Variants in AKAP6 observed in about 807,000 individuals in gnomAD.
The protein encoded by AKAP6 is A-kinase anchoring protein 6.
A neutral mutation model predicts 188.5 loss-of-function variants in AKAP6; 58 were observed. The ratio of observed to expected loss-of-function variants is 0.31; its 90% CI spans 0.25 to 0.38. The LOEUF (loss-of-function observed/expected upper bound fraction) is 0.38, where lower values mean the gene tolerates loss of function less well. Among genes scored for constraint, AKAP6 ranks in the 10% least tolerant of loss-of-function variants. The pLI is 1.00. For synonymous variants in AKAP6, 989 were observed against 998.6 expected (o/e 0.99, Z 0.18); for missense variants, 2,710 against 2,740.0 (o/e 0.99, Z 0.24).
chr14:32,417,302 A>G (rs1889689444), intron 1 of AKAP6, among the ~76,000 whole-genome samples: 1 of 152,188 alleles, frequency 6.6e-6, no homozygotes, highest in African/African-American at 2.4e-5. Flanking sequence ...ATATATATAA[A>G]TCTTGTCATA....
At chr14:32,513,209 A>C in intron 2 of AKAP6, among the ~76,000 whole-genome samples, 1 of 152,202 alleles carries the variant, frequency 6.6e-6, no homozygotes, top group Non-Finnish European at 1.5e-5. Context: ...TTGGTAATCT[A>C]TTCAGCTATA....
chr14:32,381,265 G>A (rs1888349612), intron 1 of AKAP6, among the ~76,000 whole-genome samples: 4 of 151,946 alleles, frequency 2.6e-5, no homozygotes, highest in Non-Finnish European at 5.9e-5. Flanking sequence ...GCTTGAACCT[G>A]GGAGGCAGAA....
chr14:32,724,420 C>A (rs1038151793), intron 9 of AKAP6, among the ~76,000 whole-genome samples: 1 of 152,140 alleles, frequency 6.6e-6, no homozygotes, highest in East Asian at 1.9e-4. Context: ...GAAGTGCATA[C>A]GCCTGATCCA....
At position 32,833,958 on chromosome 14, in the gene AKAP6, A is replaced by G. The variant is rs1446382839; in HGVS notation, c.*4153A>G. ...CACCATATTTACTTCATCTCTGTATACACACACACTTTTTTGTATGATTAA... is the reference window on the plus strand; with the variant it reads ...CACCATATTTACTTCATCTCTGTATGCACACACACTTTTTTGTATGATTAA... On this transcript the variant is annotated 3_prime_UTR_variant, in exon 14 of 14. Transcript: ENST00000280979. 1 of 152,224 alleles carries G rather than the reference A, an allele frequency of 6.6e-6. No individual in the cohort carries two copies. The highest frequency in any genetic ancestry group is 2.4e-5 in the African/African-American group (1 of 41,454). 9.4% of individuals were successfully genotyped at this position (152,224 alleles called of 1,614,324 possible). A position where few individuals can be genotyped will look rare whatever the true frequency, so the allele number is the denominator to read the frequency against.
intron 2 of AKAP6, among the ~76,000 whole-genome samples, chr14:32,454,553 G>T (rs1439712495): frequency 1.3e-5 from 2 of 152,144 alleles, no homozygotes; most frequent in Non-Finnish European, 2.9e-5. Flanking sequence ...AGAAAATGAG[G>T]TCACATGAGG....
At chr14:32,644,916 T>C (rs1887922492) in intron 7 of AKAP6, among the ~76,000 whole-genome samples, 1 of 152,208 alleles carries the variant, frequency 6.6e-6, no homozygotes, top group African/African-American at 2.4e-5. Flanking sequence ...ATGATATTTC[T>C]GGTCTTTGAC....
At chr14:32,666,665 C>A (rs1888951300) in intron 7 of AKAP6, among the ~76,000 whole-genome samples, 1 of 151,930 alleles carries the variant, frequency 6.6e-6, no homozygotes, top group Admixed American at 6.6e-5. Context: ...TATAAGGAAC[C>A]ATCAAAAATG....
chr14:32,797,890 A>T (rs1261076265), intron 12 of AKAP6, among the ~76,000 whole-genome samples: 2 of 151,182 alleles, frequency 1.3e-5, no homozygotes, highest in South Asian at 2.1e-4. Context: ...AAAATTGACC[A>T]ATGGAACCTA....
chr14:32,594,070 G>C (rs571035484), intron 5 of AKAP6, among the ~76,000 whole-genome samples: 1 of 152,278 alleles, frequency 6.6e-6, no homozygotes, highest in East Asian at 1.9e-4. Context: ...CTCACTCATT[G>C]CCTGGCACTG....
At chr14:32,700,706 G>A (rs1890587100) in intron 9 of AKAP6, among the ~76,000 whole-genome samples, 2 of 152,110 alleles carry the variant, frequency 1.3e-5, no homozygotes, top group South Asian at 2.1e-4. Context: ...CTACCGTATA[G>A]CCAAGATGTG....
At chr14:32,526,477 C>T (rs1956996) in intron 2 of AKAP6, among the ~76,000 whole-genome samples, 104,475 of 152,046 alleles carry the variant, frequency 0.69, 36,319 homozygotes, top group East Asian at 0.9. Flanking sequence ...AAGTGATCCG[C>T]CCACCTTAGC....
chr14:32,697,369 T>C (rs1018318424), intron 9 of AKAP6, among the ~76,000 whole-genome samples: 1 of 152,188 alleles, frequency 6.6e-6, no homozygotes, highest in African/African-American at 2.4e-5. Context: ...GTTTCCTGTA[T>C]GGGTAGCTGT....
chr14:32,590,888 A>G (rs1885459380), intron 5 of AKAP6, among the ~76,000 whole-genome samples: 1 of 152,212 alleles, frequency 6.6e-6, no homozygotes, highest in African/African-American at 2.4e-5. Context: ...TACAAAATTT[A>G]TTAAATTTAT....
At position 32,770,169 on chromosome 14, in the gene AKAP6, G is replaced by A. The variant is rs547899996; in HGVS notation, c.3373-3509G>A. Among the ~76,000 whole-genome samples, 9 of 152,098 alleles carry A rather than the reference G, an allele frequency of 5.9e-5. No homozygotes were observed. The East Asian group carries it at 1.2e-3, about 20-fold the overall frequency. ...CTGGTAAATTGAAAATCAAATTGAC[G>A]GTTTACAAATGTGAAACAAAAGCCT... On this transcript the variant is annotated intron_variant, in intron 11 of 13. Coordinates refer to ENST00000280979, the MANE Select transcript of AKAP6 (RefSeq NM_004274.5).
At chr14:32,803,282 A>T (rs1413412037) in intron 12 of AKAP6, among the ~76,000 whole-genome samples, 3 of 133,382 alleles carry the variant, frequency 2.2e-5, no homozygotes, top group African/African-American at 7.6e-5. Flanking sequence ...CGTCTCTATA[A>T]AAAAAAAAAC....
chr14:32,587,865 G>A (rs1345709630), intron 5 of AKAP6, among the ~76,000 whole-genome samples: 1 of 152,140 alleles, frequency 6.6e-6, no homozygotes, highest in African/African-American at 2.4e-5. Flanking sequence ...CATTCCAGGG[G>A]TGTGTGAAAC....
At chr14:32,678,057 A>T (rs1019704981) in intron 7 of AKAP6, among the ~76,000 whole-genome samples, 5 of 152,190 alleles carry the variant, frequency 3.3e-5, no homozygotes, top group African/African-American at 7.2e-5. Context: ...CAGTATTATG[A>T]TCTCAGGGAT....
intron 2 of AKAP6, among the ~76,000 whole-genome samples, chr14:32,441,698 C>G (rs899413794): frequency 6.6e-6 from 1 of 152,104 alleles, no homozygotes; most frequent in Non-Finnish European, 1.5e-5. Flanking sequence ...TAGCCACATG[C>G]ACTAATGTAT....
At chr14:32,388,940 G>A (rs919906911) in intron 1 of AKAP6, among the ~76,000 whole-genome samples, 2 of 152,094 alleles carry the variant, frequency 1.3e-5, no homozygotes, top group Admixed American at 6.5e-5. Flanking sequence ...GTCTAGTGCT[G>A]TCAGTGGAGT....
Sources: gnomAD v4.1 joint callset for allele counts (sites outside exome capture counted in the v4.1 genomes callset) on GRCh38, gnomAD v4.1.1 for gene constraint, MANE v1.5 for transcripts, NCBI Gene and HGNC (gene_info 2026-07-23, HGNC 2026-07-21) for gene names.